Variants in CFAP92 observed in about 807,000 individuals in gnomAD.
CFAP92 encodes uncharacterized protein CFAP92.
A neutral mutation model predicts 106.3 loss-of-function variants in CFAP92; 86 were observed. The observed-to-expected ratio is 0.81, with a 90% CI of 0.68 to 0.97. The LOEUF is 0.97. Among genes scored for constraint, CFAP92 ranks in the 50% least tolerant of loss-of-function variants. The pLI is 0.00. For synonymous variants in CFAP92, 477 were observed against 506.4 expected, an observed-to-expected ratio of 0.94 and a Z score of 0.78; for missense variants, 1,204 against 1,283.8, an observed-to-expected ratio of 0.94 and a Z score of 0.95.
chr3:128,962,581 C>G (rs1045539329), intron 9 of CFAP92, among the ~76,000 whole-genome samples: 2 of 152,110 alleles, frequency 1.3e-5, no homozygotes, highest in African/African-American at 2.4e-5. Context: ...TGTATTCCCC[C>G]ACCTTAACCC....
intron 15 of CFAP92, among the ~76,000 whole-genome samples, chr3:128,911,045 G>GTA (rs1553734442): frequency 6.6e-6 from 1 of 152,164 alleles, no homozygotes; most frequent in African/African-American, 2.4e-5. Context: ...ATGTGTGTGT[G>GTA]TGTATGTATG....
chr3:128,980,257 C>T (rs1419070186), intron 4 of CFAP92, among the ~76,000 whole-genome samples: 3 of 150,892 alleles, frequency 2.0e-5, no homozygotes, highest in African/African-American at 7.3e-5. Context: ...ATTCCAGCTA[C>T]TCGGGAGGCT....
intron 15 of CFAP92, chr3:128,912,857 T>C (rs763175003): frequency 1.5e-6 from 1 of 650,984 alleles, no homozygotes; most frequent in Non-Finnish European, 2.9e-6. Context: ...TGCTGACCCC[T>C]GGAACTGGCG....
chr3:128,911,634 G>A (rs1559836851), intron 15 of CFAP92, among the ~76,000 whole-genome samples: 4 of 151,862 alleles, frequency 2.6e-5, no homozygotes. Context: ...AACAAACAGG[G>A]TTTCACCATG....
chr3:129,002,712 G>T (rs1409087455), upstream of CFAP92: 4 of 225,412 alleles, frequency 1.8e-5, no homozygotes, highest in Admixed American at 1.8e-4. Context: ...GGGAGGTTTA[G>T]GAGACAGAAG....
intron 10 of CFAP92, among the ~76,000 whole-genome samples, chr3:128,939,200 G>A (rs1261815508): frequency 5.9e-5 from 9 of 152,010 alleles, no homozygotes; most frequent in Non-Finnish European, 7.4e-5. Context: ...GTGCAGTGGC[G>A]CGATCTCGGC....
At chr3:128,925,034 A>T (rs1937559405) in intron 12 of CFAP92, among the ~76,000 whole-genome samples, 1 of 152,174 alleles carries the variant, frequency 6.6e-6, no homozygotes, top group Non-Finnish European at 1.5e-5. Flanking sequence ...ACTCCGCTGG[A>T]CTTTGTGGCC....
At chr3:128,996,403 C>G (rs1317190759), upstream of CFAP92, among the ~76,000 whole-genome samples, 1 of 152,166 alleles carries the variant, frequency 6.6e-6, no homozygotes, top group Admixed American at 6.5e-5. Context: ...TAAATTACCA[C>G]CAAGATTGTA....
chr3:129,020,897 A>G, the CFAP92 span, among the ~76,000 whole-genome samples: 1 of 152,182 alleles, frequency 6.6e-6, no homozygotes, highest in Non-Finnish European at 1.5e-5. Context: ...GGCAGCCTCC[A>G]AGTCCAAACC....
chr3:128,993,134 G>A lies in CFAP92; in HGVS notation c.171C>T (p.Ser57=). Residue 57 remains serine, a synonymous_variant, in exon 2 of 16, where the codon TCC becomes TCT. Transcript: ENST00000645291. ...DSDRPCSSIE[S]SSEPASTFSS... is the part of the protein sequence containing the mutation. ...TGAAAGTGCTGGCAGGCTCAGATGA[G>A]GACTCGATGCTGCTGCACGGGCGGT... is the stretch of plus-strand genomic sequence containing the variant. 1.2e-6 allele frequency: 2 copies of A among 1,614,100 alleles called. No individual in the cohort carries two copies. Among genetic ancestry groups the A allele is most frequent in the Middle Eastern group, 1.6e-4 (1 of 6,062 alleles).
In CFAP92 at chr3:128,932,742, G is replaced by A; in HGVS notation, c.2709C>T (p.Ala903=). ...HQEKYLQWRS[A]MLMKNKDKKH... ...TTTTGTCTTTGTTCTTCATAAGCATGGCACTCCGCCACTGCAGGTACTTCT... is the reference window on the plus strand; with the variant it reads ...TTTTGTCTTTGTTCTTCATAAGCATAGCACTCCGCCACTGCAGGTACTTCT... Residue 903 remains alanine, a synonymous_variant, in exon 12 of 16, where the codon GCC becomes GCT. Coordinates refer to ENST00000645291, the MANE Select transcript of CFAP92 (RefSeq NM_001394090.1). The A allele has an allele frequency of 6.5e-7, 1 of 1,535,376 alleles. No individual in the cohort carries two copies. Among genetic ancestry groups the A allele is most frequent in the Non-Finnish European group, 8.7e-7 (1 of 1,146,746 alleles).
At chr3:129,004,034 C>T (rs546752344), upstream of CFAP92, 5 of 1,511,076 alleles carry the variant, frequency 3.3e-6, no homozygotes, top group South Asian at 1.2e-5. Context: ...GCCCGGCTTG[C>T]AGCGCTGGGT....
chr3:128,976,833 C>T (rs1943187632), intron 6 of CFAP92, 146 bp downstream of exon 6: 1 of 654,628 alleles, frequency 1.5e-6, no homozygotes, highest in Non-Finnish European at 2.8e-6. Context: ...TAAACACAAG[C>T]TACCCCTTCC....
intron 7 of CFAP92, among the ~76,000 whole-genome samples, chr3:128,972,098 G>C (rs997258313): frequency 6.6e-6 from 1 of 152,166 alleles, no homozygotes; most frequent in Non-Finnish European, 1.5e-5. Context: ...AAGTTATATT[G>C]ATTATCCATA....
upstream of CFAP92, among the ~76,000 whole-genome samples, chr3:128,996,969 A>T (rs1386811026): frequency 6.6e-6 from 1 of 152,214 alleles, no homozygotes; most frequent in Non-Finnish European, 1.5e-5. Flanking sequence ...GGCAAAGAAG[A>T]AGTTGCAAGG....
upstream of CFAP92, among the ~76,000 whole-genome samples, chr3:128,995,929 C>G (rs903495029): frequency 3.3e-5 from 5 of 152,200 alleles, no homozygotes; most frequent in Admixed American, 6.5e-5. Flanking sequence ...TTCCTCCCAC[C>G]CAGTTGGGGG....
rs1940169624 is a variant in CFAP92, at chr3:128,945,890, A to G, written c.1439T>C (p.Val480Ala). ...GATGACGTTGATGTCCTGGAAATAAACGTGGGTTCCATGGGGCTCCCCCTT... is the reference window on the plus strand; with the variant it reads ...GATGACGTTGATGTCCTGGAAATAAGCGTGGGTTCCATGGGGCTCCCCCTT... ...KTKGEPHGTH[V>A]YFQDINVIFL... Residue 480 changes from valine (V) to alanine (A), a missense_variant, in exon 10 of 16, where the codon GTT becomes GCT. Physicochemically the swap from Val to Ala is moderately conservative, Grantham distance 64. Transcript: ENST00000645291. 2.0e-6 allele frequency: 3 copies of G among 1,468,498 alleles called. No homozygotes were observed. The highest frequency in any genetic ancestry group is 1.8e-4 in the Middle Eastern group (1 of 5,624). The allele number at this position is 1,468,498 out of a possible 1,614,324, so 91.0% of individuals were successfully genotyped here.
intron 12 of CFAP92, among the ~76,000 whole-genome samples, chr3:128,928,405 C>T (rs903049418): frequency 1.3e-5 from 2 of 152,166 alleles, no homozygotes; most frequent in African/African-American, 4.8e-5. Context: ...CTTACACAAT[C>T]CAACTAACTA....
rs959590952 is a variant in CFAP92 at position 128,945,949 on chromosome 3, C to T, written c.1380G>A (p.Lys460=). 4.1e-6 allele frequency: 6 copies of T among 1,445,970 alleles called. No individual in the cohort carries two copies. The highest frequency in any genetic ancestry group is 5.6e-5 in the Admixed American group (2 of 35,516). 89.6% of individuals were successfully genotyped at this position (1,445,970 alleles called of 1,614,324 possible). A position where few individuals can be genotyped will look rare whatever the true frequency, so the allele number is the denominator to read the frequency against. ...GAACTGGAGTCTTATGGAACTGGTACTTGCAGTACACAGGCATGCACAGCC... is the reference window on the plus strand; with the variant it reads ...GAACTGGAGTCTTATGGAACTGGTATTTGCAGTACACAGGCATGCACAGCC... ...LERLCMPVYC[K]YQFHKTPVHK... is the part of the protein sequence containing the mutation. The change falls in exon 10 of 16, where the codon AAG becomes AAA. Residue 460 remains lysine (K), a synonymous_variant. Coordinates refer to ENST00000645291, the MANE Select transcript of CFAP92 (RefSeq NM_001394090.1).
Sources: gnomAD v4.1 joint callset for allele counts (sites outside exome capture counted in the v4.1 genomes callset) on GRCh38, gnomAD v4.1.1 for gene constraint, MANE v1.5 for transcripts, NCBI Gene and HGNC (gene_info 2026-07-23, HGNC 2026-07-21) for gene names.